PTPRR: variants seen among roughly 807,000 people sequenced by gnomAD.
The protein encoded by PTPRR is receptor-type tyrosine-protein phosphatase R.
In PTPRR, 38 loss-of-function variants were observed where a neutral mutation model predicts 77.2. That is an observed-to-expected ratio of 0.49 (90% CI 0.38 to 0.65). The LOEUF is 0.65. Ranked by LOEUF, PTPRR falls within the 30% of genes least tolerant of loss-of-function variation. PTPRR has a pLI of 0.00. For missense variants in PTPRR, 744 were observed against 799.2 expected (o/e 0.93, Z 0.83); for synonymous variants, 299 against 283.1 (o/e 1.06, Z -0.57).
intron 13 of PTPRR, among the ~76,000 whole-genome samples, chr12:70,647,401 G>C (rs1471655093): frequency 6.6e-6 from 1 of 152,212 alleles, no homozygotes; most frequent in Non-Finnish European, 1.5e-5. Context: ...TCATACTTCT[G>C]TAATATCTAT....
Position 70,828,254 on chromosome 12 carries a change from T to C in PTPRR, c.358-63476A>G, listed in dbSNP as rs150105985. On this transcript the variant is annotated intron_variant, in intron 2 of 13. Coordinates refer to ENST00000283228, the MANE Select transcript of PTPRR (RefSeq NM_002849.4). ...ACATAATAAGCCTCAGAAATTTGTCTCCACATTCCTTTTCTTGCCCTTTGA... is the reference window on the plus strand; with the variant it reads ...ACATAATAAGCCTCAGAAATTTGTCCCCACATTCCTTTTCTTGCCCTTTGA... Among the ~76,000 whole-genome samples the C allele has an allele frequency of 2.1e-3, 325 of 152,334 alleles. 2 individuals are homozygous for C. Among genetic ancestry groups the C allele is most frequent in the East Asian group, 0.013 (66 of 5,182 alleles).
intron 2 of PTPRR, among the ~76,000 whole-genome samples, chr12:70,841,742 A>T (rs1465501690): frequency 6.6e-6 from 1 of 152,152 alleles, no homozygotes; most frequent in African/African-American, 2.4e-5. Flanking sequence ...CCTAAATCTA[A>T]TAGAGATTTC....
At chr12:70,680,230 A>C (rs1239840227) in intron 10 of PTPRR, among the ~76,000 whole-genome samples, 3 of 152,176 alleles carry the variant, frequency 2.0e-5, no homozygotes, top group African/African-American at 7.2e-5. Context: ...GCAATTTATA[A>C]ATTTCCATTT....
chr12:70,672,065 G>A, intron 10 of PTPRR: 1 of 1,323,340 alleles, frequency 7.6e-7, no homozygotes, highest in Admixed American at 1.7e-5. Context: ...GGAGAATGGT[G>A]GAAGGGTTAT....
At chr12:70,801,910 C>G (rs1259097725) in intron 2 of PTPRR, among the ~76,000 whole-genome samples, 4 of 152,142 alleles carry the variant, frequency 2.6e-5, no homozygotes, top group Non-Finnish European at 5.9e-5. Flanking sequence ...TTCTTTCTCC[C>G]ACATCCTCCT....
intron 2 of PTPRR, among the ~76,000 whole-genome samples, chr12:70,874,623 T>G (rs1370208611): frequency 6.6e-6 from 1 of 152,104 alleles, no homozygotes; most frequent in African/African-American, 2.4e-5. Context: ...ACATATAACT[T>G]TTGTTAAAAA....
intron 8 of PTPRR, among the ~76,000 whole-genome samples, chr12:70,695,989 T>C (rs1565652027): frequency 6.6e-6 from 1 of 152,320 alleles, no homozygotes; most frequent in East Asian, 1.9e-4. Context: ...TTACTATGAA[T>C]ATAAAGAATT....
At chr12:70,906,152 G>A (rs571422048) in intron 1 of PTPRR, among the ~76,000 whole-genome samples, 164 of 152,118 alleles carry the variant, frequency 1.1e-3, no homozygotes, top group Middle Eastern at 0.01. Flanking sequence ...GAAGGACCTA[G>A]ATTCTAATTT....
At position 70,682,089 on chromosome 12, in the gene PTPRR, G is replaced by C. The variant is rs1224498291; in HGVS notation, c.1497+2038C>G. On this transcript the variant is annotated intron_variant, in intron 10 of 13. Coordinates refer to ENST00000283228, the MANE Select transcript of PTPRR (RefSeq NM_002849.4). Reference sequence around the variant, plus strand: ...GACGGAGTCTCGCTCTGTCGCCCAGGCTGGAGTGCAGTGGCGCGATCTCGG... The same window carrying C: ...GACGGAGTCTCGCTCTGTCGCCCAGCCTGGAGTGCAGTGGCGCGATCTCGG... 3.2e-5 allele frequency among the ~76,000 whole-genome samples: 4 copies of C among 123,120 alleles called. No homozygotes were observed. In the East Asian group the frequency reaches 1.0e-3, roughly 32 times the overall value. 80.8% of individuals were successfully genotyped at this position (123,120 alleles called of 152,430 possible). A position where few individuals can be genotyped will look rare whatever the true frequency, so the allele number is the denominator to read the frequency against.
intron 1 of PTPRR, among the ~76,000 whole-genome samples, chr12:70,908,965 GAAGCAGCA>G (rs1373629980): frequency 6.6e-5 from 10 of 152,298 alleles, no homozygotes; most frequent in Non-Finnish European, 1.3e-4. Context: ...CCTGGAATAG[GAAGCAGCA>G]ACTACCCAGT....
intron 2 of PTPRR, among the ~76,000 whole-genome samples, chr12:70,812,063 C>T (rs1262075303): frequency 2.0e-5 from 3 of 152,258 alleles, no homozygotes; most frequent in Admixed American, 6.5e-5. Flanking sequence ...TCAAAGTGAT[C>T]CCTCAGTCTT....
At chr12:70,776,721 C>G (rs1373116257) in intron 2 of PTPRR, among the ~76,000 whole-genome samples, 4 of 151,986 alleles carry the variant, frequency 2.6e-5, no homozygotes, top group Admixed American at 2.6e-4. Context: ...ATCTTTAACT[C>G]CAGGTAGAAG....
At chr12:70,752,773 C>T (rs1862423807) in intron 5 of PTPRR, among the ~76,000 whole-genome samples, 1 of 152,150 alleles carries the variant, frequency 6.6e-6, no homozygotes, top group African/African-American at 2.4e-5. Context: ...CTAATTGTGA[C>T]TGACAAGAGA....
chr12:70,877,578 A>G (rs11178463), intron 2 of PTPRR, among the ~76,000 whole-genome samples: 78,651 of 151,940 alleles, frequency 0.52, 20,682 homozygotes, highest in East Asian at 0.61. Context: ...ACTACAAACC[A>G]CTGCTGAATG....
At chr12:70,827,544 CTTTCT>C (rs138689918) in intron 2 of PTPRR, among the ~76,000 whole-genome samples, 19,983 of 147,352 alleles carry the variant, frequency 0.14, 1,702 homozygotes, top group African/African-American at 0.26. Context: ...TTCTTTCTTT[CTTTCT>C]TTTTTTTTTT....
intron 6 of PTPRR, among the ~76,000 whole-genome samples, chr12:70,730,863 G>A (rs1286548446): frequency 1.3e-5 from 2 of 149,964 alleles, no homozygotes; most frequent in Non-Finnish European, 3.0e-5. Context: ...GAAGGAAGGA[G>A]GAAGGAGATA....
intron 2 of PTPRR, among the ~76,000 whole-genome samples, chr12:70,873,869 T>C (rs1364687999): frequency 6.6e-6 from 1 of 152,156 alleles, no homozygotes; most frequent in African/African-American, 2.4e-5. Context: ...AGTGTTGTGA[T>C]AGCAGTATGT....
intron 6 of PTPRR, among the ~76,000 whole-genome samples, chr12:70,702,983 T>C (rs1888485855): frequency 6.6e-6 from 1 of 152,094 alleles, no homozygotes; most frequent in African/African-American, 2.4e-5. Flanking sequence ...CCTTATTTAT[T>C]ATACCATTAT....
chr12:70,741,715 A>G (rs1191647392), intron 6 of PTPRR, among the ~76,000 whole-genome samples: 1 of 152,130 alleles, frequency 6.6e-6, no homozygotes, highest in African/African-American at 2.4e-5. Context: ...CCCAAAGCCT[A>G]AGAAAACGCC....
Sources: allele counts gnomAD v4.1 joint callset (sites outside exome capture counted in the v4.1 genomes callset), GRCh38; gene constraint gnomAD v4.1.1; transcripts MANE v1.5; gene names NCBI Gene and HGNC (gene_info 2026-07-23, HGNC 2026-07-21).